Variants in COLEC11 observed in about 807,000 individuals in gnomAD.
The protein encoded by COLEC11 is collectin subfamily member 11, also known as collectin-11.
A neutral mutation model predicts 27.3 loss-of-function variants in COLEC11; 20 were observed. That is an observed-to-expected ratio of 0.73 (90% CI 0.51 to 1.06). The LOEUF (loss-of-function observed/expected upper bound fraction) is 1.06, where lower values mean the gene tolerates loss of function less well. Among genes scored for constraint, COLEC11 ranks in the 50% least tolerant of loss-of-function variants. The pLI, the probability that COLEC11 is intolerant of heterozygous loss-of-function variation, is 0.00. For synonymous variants in COLEC11, 163 were observed against 154.7 expected (o/e 1.05, Z -0.40); for missense variants, 310 against 383.0 (o/e 0.81, Z 1.59).
intron 2 of COLEC11, chr2:3,606,196 G>T: frequency 6.4e-7 from 1 of 1,550,462 alleles, no homozygotes. Context: ...TGCCCAATGT[G>T]GTGGGTGCCT....
At chr2:3,596,627 G>T (rs1661858229) in intron 1 of COLEC11, among the ~76,000 whole-genome samples, 1 of 152,140 alleles carries the variant, frequency 6.6e-6, no homozygotes, top group African/African-American at 2.4e-5. Context: ...ATGAGCCACT[G>T]GGCCTGGCCC....
chr2:3,634,941 C>T (rs1192921710), intron 3 of COLEC11, among the ~76,000 whole-genome samples: 1 of 152,130 alleles, frequency 6.6e-6, no homozygotes, highest in Non-Finnish European at 1.5e-5. Flanking sequence ...CTCTCACCGC[C>T]TTGCTGTGCC....
chr2:3,604,225 G>T, intron 1 of COLEC11, 90 bp from the exon 2 acceptor site: 1 of 1,445,236 alleles, frequency 6.9e-7, no homozygotes, highest in Non-Finnish European at 9.6e-7. Flanking sequence ...CACCAGGAGG[G>T]CTACACCCCT....
intron 3 of COLEC11, among the ~76,000 whole-genome samples, chr2:3,616,509 C>T (rs1327601377): frequency 1.3e-5 from 2 of 152,256 alleles, no homozygotes; most frequent in African/African-American, 2.4e-5. Flanking sequence ...GCAATCCGGG[C>T]ACCTCGGGAG....
Position 3,595,154 on chromosome 2 carries a change from C to T in COLEC11, c.-41C>T, listed in dbSNP as rs988828461. 2 of 348,144 alleles carry T rather than the reference C, an allele frequency of 5.7e-6. No homozygotes were observed. Among genetic ancestry groups the T allele is most frequent in the Non-Finnish European group, 1.2e-5 (2 of 172,584 alleles). 21.6% of individuals were successfully genotyped at this position (348,144 alleles called of 1,614,324 possible). ...GCGACGGGCAGGACGCCCCGTTCGC[C>T]TAGCGCGTGCTCAGGTAGGAGACTC... On this transcript the variant is annotated 5_prime_UTR_variant, in exon 1 of 7. Coordinates refer to ENST00000349077, the MANE Select transcript of COLEC11 (RefSeq NM_024027.5).
chr2:3,637,276 G>A (rs761723865), intron 3 of COLEC11, among the ~76,000 whole-genome samples: 4 of 152,174 alleles, frequency 2.6e-5, no homozygotes, highest in African/African-American at 4.8e-5. Flanking sequence ...GGGGTGCCCC[G>A]TTCAGCCCCT....
intron 1 of COLEC11, chr2:3,603,744 GC>G: frequency 7.1e-7 from 1 of 1,412,016 alleles, no homozygotes; most frequent in Non-Finnish European, 9.8e-7. Flanking sequence ...ACCTCCCCAG[GC>G]CCCTGGGTTC....
chr2:3,620,963 T>G (rs1272707756), intron 3 of COLEC11, among the ~76,000 whole-genome samples: 1 of 152,228 alleles, frequency 6.6e-6, no homozygotes, highest in African/African-American at 2.4e-5. Context: ...ATGAGCTATC[T>G]CAAAGAATGT....
chr2:3,625,020 T>C (rs1254255912), intron 3 of COLEC11, among the ~76,000 whole-genome samples: 1 of 152,212 alleles, frequency 6.6e-6, no homozygotes, highest in Non-Finnish European at 1.5e-5. Flanking sequence ...AAACATACAT[T>C]GACTACCCCA....
chr2:3,637,488 T>C, intron 3 of COLEC11, 45 bp from the exon 4 acceptor site: 1 of 1,501,822 alleles, frequency 6.7e-7, no homozygotes, highest in Non-Finnish European at 9.3e-7. Context: ...GAGGCCACGG[T>C]GTCACCTGTG....
intron 1 of COLEC11, among the ~76,000 whole-genome samples, chr2:3,599,353 G>A (rs569145666): frequency 1.3e-5 from 2 of 152,188 alleles, no homozygotes; most frequent in African/African-American, 2.4e-5. Flanking sequence ...ATGGAAACGG[G>A]TTTCCCTGTA....
At chr2:3,637,051 G>A (rs374098664) in intron 3 of COLEC11, among the ~76,000 whole-genome samples, 3 of 152,286 alleles carry the variant, frequency 2.0e-5, no homozygotes, top group African/African-American at 4.8e-5. Context: ...TCACACACCC[G>A]AGAGGAGCCA....
intron 3 of COLEC11, among the ~76,000 whole-genome samples, chr2:3,635,256 G>A (rs536376696): frequency 3.3e-5 from 5 of 152,032 alleles, no homozygotes; most frequent in African/African-American, 9.6e-5. Context: ...ATCCCATCAC[G>A]CACGAGGTTC....
intron 3 of COLEC11, among the ~76,000 whole-genome samples, chr2:3,633,329 C>T (rs1251837709): frequency 3.3e-5 from 5 of 152,378 alleles, no homozygotes; most frequent in African/African-American, 1.2e-4. Context: ...ACGTGGCCTG[C>T]TGCTGTAGAC....
rs538673166 is a variant in COLEC11, at chr2:3,643,326, A to G, written c.329-118A>G. 6.2e-5 allele frequency: 53 copies of G among 857,414 alleles called. No homozygotes were observed. In the Middle Eastern group the frequency reaches 6.5e-4, roughly 11 times the overall value. 53.1% of individuals were successfully genotyped at this position (857,414 alleles called of 1,614,324 possible). ...GTGGGTGATGGTTATTGCGGCCTCAAAGGCCCGTGGGGCACGTTTGTTGAG... is the reference window on the plus strand; with the variant it reads ...GTGGGTGATGGTTATTGCGGCCTCAGAGGCCCGTGGGGCACGTTTGTTGAG... On this transcript the variant is annotated intron_variant, in intron 5 of 6. Transcript: ENST00000349077.
intron 2 of COLEC11, among the ~76,000 whole-genome samples, chr2:3,609,173 A>C (rs554726973): frequency 6.6e-6 from 1 of 152,270 alleles, no homozygotes; most frequent in African/African-American, 2.4e-5. Flanking sequence ...ATTAGCTGAG[A>C]GATATAAAGA....
At chr2:3,596,683 C>A (rs985761079) in intron 1 of COLEC11, among the ~76,000 whole-genome samples, 1 of 152,162 alleles carries the variant, frequency 6.6e-6, no homozygotes, top group Non-Finnish European at 1.5e-5. Context: ...CAGGATTCCA[C>A]GTTTAACCCC....
At chr2:3,637,710 T>C (rs1665535896) in intron 4 of COLEC11, 106 bp downstream of exon 4, 6 of 930,498 alleles carry the variant, frequency 6.4e-6, no homozygotes, top group South Asian at 1.3e-5. Flanking sequence ...GGTGCTCTTA[T>C]TTATATTCGG....
intron 3 of COLEC11, among the ~76,000 whole-genome samples, chr2:3,614,832 A>G (rs537442327): frequency 1.2e-4 from 19 of 152,352 alleles, no homozygotes; most frequent in African/African-American, 4.1e-4. Context: ...TCAGAACACA[A>G]AGATAAAAAC....
Sources: gnomAD v4.1 joint callset for allele counts (sites outside exome capture counted in the v4.1 genomes callset) on GRCh38, gnomAD v4.1.1 for gene constraint, MANE v1.5 for transcripts, NCBI Gene and HGNC (gene_info 2026-07-23, HGNC 2026-07-21) for gene names.